The following RBPMS variants were observed in gnomAD, a reference collection of about 807,000 sequenced individuals.
The protein encoded by RBPMS is RNA binding protein, mRNA processing factor.
In RBPMS, 7 loss-of-function variants were observed where a neutral mutation model predicts 26.8. That is an observed-to-expected ratio of 0.26 (90% CI 0.15 to 0.49). RBPMS has a LOEUF of 0.49. Ranked by LOEUF, RBPMS falls within the 20% of genes least tolerant of loss-of-function variation. RBPMS has a pLI of 0.98. For missense variants in RBPMS, 186 were observed against 250.0 expected (o/e 0.74, Z 1.73); for synonymous variants, 96 against 93.3 (o/e 1.03, Z -0.17).
At chr8:30,509,516 T>C (rs1821371409) in intron 5 of RBPMS, among the ~76,000 whole-genome samples, 1 of 152,162 alleles carries the variant, frequency 6.6e-6, no homozygotes, top group South Asian at 2.1e-4. Context: ...GAGACAACAC[T>C]GAGCAAATAG....
chr8:30,411,645 A>G (rs1291265276), intron 1 of RBPMS, among the ~76,000 whole-genome samples: 1 of 140,138 alleles, frequency 7.1e-6, no homozygotes, highest in Non-Finnish European at 1.5e-5. Flanking sequence ...AGCCTGGGTG[A>G]CAGCAAGACC....
At chr8:30,544,729 A>T in intron 6 of RBPMS, 105 bp downstream of exon 6, 1 of 1,601,724 alleles carries the variant, frequency 6.2e-7, no homozygotes, top group African/African-American at 1.3e-5. Context: ...CAGCTAACAG[A>T]TCCACCCTCA....
intron 8 of RBPMS, among the ~76,000 whole-genome samples, chr8:30,566,783 TAATC>T (rs1217340831): frequency 6.6e-6 from 1 of 152,218 alleles, no homozygotes; most frequent in East Asian, 1.9e-4. Context: ...CCCATCTTAT[TAATC>T]CAGTTATACT....
chr8:30,568,467 C>CAAAG (rs1408222329), intron 8 of RBPMS, among the ~76,000 whole-genome samples: 2 of 152,176 alleles, frequency 1.3e-5, no homozygotes, highest in African/African-American at 4.8e-5. Flanking sequence ...TGAGTTCCAC[C>CAAAG]AAAGACCCAA....
chr8:30,452,853 A>C (rs555708810), intron 1 of RBPMS, among the ~76,000 whole-genome samples: 1 of 152,218 alleles, frequency 6.6e-6, no homozygotes, highest in Non-Finnish European at 1.5e-5. Flanking sequence ...TTTCACATTT[A>C]ATAGTTACTG....
intron 8 of RBPMS, among the ~76,000 whole-genome samples, chr8:30,568,802 C>T (rs1828068473): frequency 6.6e-6 from 1 of 152,094 alleles, no homozygotes; most frequent in South Asian, 2.1e-4. Flanking sequence ...AGCTAAACCT[C>T]CTCCTTGTTT....
chr8:30,389,001 G>A (rs1208915993), intron 1 of RBPMS, among the ~76,000 whole-genome samples: 1 of 152,136 alleles, frequency 6.6e-6, no homozygotes, highest in Non-Finnish European at 1.5e-5. Flanking sequence ...CCAAAATATT[G>A]GGGTTGTAAA....
intron 1 of RBPMS, among the ~76,000 whole-genome samples, chr8:30,447,436 G>A (rs929490743): frequency 2.0e-4 from 30 of 152,186 alleles, no homozygotes; most frequent in African/African-American, 7.2e-4. Flanking sequence ...ATAGTGCAAT[G>A]TTTTGTGAAT....
At chr8:30,427,895 A>G (rs960228970) in intron 1 of RBPMS, among the ~76,000 whole-genome samples, 2 of 152,026 alleles carry the variant, frequency 1.3e-5, no homozygotes, top group African/African-American at 2.4e-5. Context: ...ATGGTGAAAT[A>G]TTCAGCAACT....
chr8:30,409,338 T>C (rs1019596425), intron 1 of RBPMS, among the ~76,000 whole-genome samples: 11 of 151,216 alleles, frequency 7.3e-5, no homozygotes, highest in Non-Finnish European at 1.6e-4. Context: ...GGATTACAGG[T>C]GTGAACCACC....
chr8:30,464,885 G>A (rs1318108449), intron 1 of RBPMS, among the ~76,000 whole-genome samples: 1 of 152,146 alleles, frequency 6.6e-6, no homozygotes, highest in African/African-American at 2.4e-5. Context: ...AGGGTACTTA[G>A]GGTGAAACCG....
chr8:30,534,128 C>CA (rs71937602), intron 5 of RBPMS, among the ~76,000 whole-genome samples: 40,849 of 144,486 alleles, frequency 0.28, 5,732 homozygotes, highest in East Asian at 0.39. Context: ...ACGAGACTCT[C>CA]AAAAAAAAAA....
chr8:30,512,687 G>T (rs1821846615), intron 5 of RBPMS, among the ~76,000 whole-genome samples: 1 of 151,958 alleles, frequency 6.6e-6, no homozygotes, highest in African/African-American at 2.4e-5. Flanking sequence ...GGGCCTTCTC[G>T]CTAGGCCTCC....
At chr8:30,512,112 C>A (rs1291687402) in intron 5 of RBPMS, among the ~76,000 whole-genome samples, 1 of 152,064 alleles carries the variant, frequency 6.6e-6, no homozygotes, top group Non-Finnish European at 1.5e-5. Flanking sequence ...GCTATGTCAC[C>A]CATGCTGGCC....
chr8:30,439,713 T>C (rs1054131008), intron 1 of RBPMS, among the ~76,000 whole-genome samples: 2 of 152,112 alleles, frequency 1.3e-5, no homozygotes, highest in Admixed American at 6.6e-5. Flanking sequence ...TGGAATGCAG[T>C]GGCACCATCA....
chr8:30,555,800 G>C lies in RBPMS; in HGVS notation c.529-3087G>C, dbSNP rs1390168736. Reference sequence around the variant, plus strand: ...AAAGCAGCCCTTATGGGATGGGCAGGAGTGACCTGGGGCCAAAAGCCCAGC... The same window carrying C: ...AAAGCAGCCCTTATGGGATGGGCAGCAGTGACCTGGGGCCAAAAGCCCAGC... On this transcript the variant is annotated intron_variant, in intron 6 of 8. Transcript: ENST00000397323. 3.7e-6 allele frequency: 3 copies of C among 810,312 alleles called. No homozygotes were observed. In the East Asian group the frequency reaches 3.8e-4, roughly 102 times the overall value. The allele number at this position is 810,312 out of a possible 1,614,324, so 50.2% of individuals were successfully genotyped here. A position where few individuals can be genotyped will look rare whatever the true frequency, so the allele number is the denominator to read the frequency against.
intron 5 of RBPMS, among the ~76,000 whole-genome samples, chr8:30,542,080 G>A (rs990653532): frequency 8.5e-5 from 13 of 152,188 alleles, no homozygotes; most frequent in Admixed American, 8.5e-4. Context: ...GAGATGATAA[G>A]ATGTATCAAG....
intron 5 of RBPMS, among the ~76,000 whole-genome samples, chr8:30,536,135 T>C (rs1429193504): frequency 2.0e-5 from 3 of 151,606 alleles, no homozygotes; most frequent in Admixed American, 2.0e-4. Flanking sequence ...TCTCTTTTTT[T>C]TTTTTTTTTG....
At chr8:30,551,565 C>T (rs999874446) in intron 6 of RBPMS, among the ~76,000 whole-genome samples, 3 of 152,150 alleles carry the variant, frequency 2.0e-5, no homozygotes, top group Non-Finnish European at 2.9e-5. Flanking sequence ...TTGTCCTTTG[C>T]GGAAGGTTAA....
Sources: gnomAD v4.1 joint callset for allele counts (sites outside exome capture counted in the v4.1 genomes callset) on GRCh38, gnomAD v4.1.1 for gene constraint, MANE v1.5 for transcripts, NCBI Gene and HGNC (gene_info 2026-07-23, HGNC 2026-07-21) for gene names.